The following PRKG1 variants were observed in gnomAD, a reference collection of about 807,000 sequenced individuals.
PRKG1 encodes protein kinase cGMP-dependent 1.
Under a neutral mutation model 88.1 loss-of-function variants are expected in PRKG1, and 35 were observed. That is an observed-to-expected ratio of 0.40 (90% CI 0.30 to 0.53). PRKG1 has a LOEUF of 0.53. Among genes scored for constraint, PRKG1 ranks in the 20% least tolerant of loss-of-function variants. The pLI, the probability that PRKG1 is intolerant of heterozygous loss-of-function variation, is 0.59. For missense variants in PRKG1, 540 were observed against 839.8 expected (o/e 0.64, Z 4.41); for synonymous variants, 303 against 292.5 (o/e 1.04, Z -0.37).
At chr10:51,975,703 G>A (rs1345896236) in intron 5 of PRKG1, among the ~76,000 whole-genome samples, 1 of 152,048 alleles carries the variant, frequency 6.6e-6, no homozygotes, top group Non-Finnish European at 1.5e-5. Flanking sequence ...AAAACTCTTA[G>A]AAGGAAACAT....
chr10:51,627,004 T>C (rs1256411365), intron 3 of PRKG1, among the ~76,000 whole-genome samples: 1 of 152,110 alleles, frequency 6.6e-6, no homozygotes, highest in Non-Finnish European at 1.5e-5. Context: ...ATGAGAGACA[T>C]AATCTCTACC....
intron 3 of PRKG1, chr10:51,697,639 C>T: frequency 1.9e-6 from 3 of 1,541,302 alleles, no homozygotes; most frequent in Middle Eastern, 2.3e-4. Context: ...GCTTTTTGCA[C>T]CCATTCTCCA....
At chr10:51,248,213 C>G (rs1397668885) in intron 2 of PRKG1, among the ~76,000 whole-genome samples, 1 of 151,788 alleles carries the variant, frequency 6.6e-6, no homozygotes, top group Non-Finnish European at 1.5e-5. Context: ...AGGGCACACT[C>G]AATACATATT....
At chr10:51,194,211 G>A (rs1373501407) in intron 2 of PRKG1, among the ~76,000 whole-genome samples, 1 of 150,106 alleles carries the variant, frequency 6.7e-6, no homozygotes, top group Non-Finnish European at 1.5e-5. Flanking sequence ...TTAGTATTTA[G>A]TATCAAGGTT....
chr10:51,839,393 A>T (rs1242613971), intron 4 of PRKG1, among the ~76,000 whole-genome samples: 1 of 152,104 alleles, frequency 6.6e-6, no homozygotes, highest in Non-Finnish European at 1.5e-5. Context: ...CCCCACCTCT[A>T]CCATGTTGAG....
intron 2 of PRKG1, among the ~76,000 whole-genome samples, chr10:51,417,976 C>A (rs1838290790): frequency 6.6e-6 from 1 of 152,156 alleles, no homozygotes; most frequent in Non-Finnish European, 1.5e-5. Flanking sequence ...TTTACGTTAA[C>A]CTCCCCGCTC....
chr10:51,498,468 T>C (rs1564523575), intron 3 of PRKG1, among the ~76,000 whole-genome samples: 1 of 152,224 alleles, frequency 6.6e-6, no homozygotes, highest in African/African-American at 2.4e-5. Flanking sequence ...CTGAAATTTT[T>C]AACATTGAAT....
At chr10:52,250,986 G>A (rs1841156037) in intron 9 of PRKG1, among the ~76,000 whole-genome samples, 1 of 152,096 alleles carries the variant, frequency 6.6e-6, no homozygotes, top group Non-Finnish European at 1.5e-5. Context: ...TTAGGAATGT[G>A]ACTATGCTTC....
At chr10:51,203,115 A>C (rs1417817307) in intron 2 of PRKG1, among the ~76,000 whole-genome samples, 1 of 152,050 alleles carries the variant, frequency 6.6e-6, no homozygotes, top group East Asian at 1.9e-4. Flanking sequence ...GAGAGAGAAC[A>C]GTGTCTCAAG....
intron 3 of PRKG1, chr10:51,698,248 C>G (rs1410669921): frequency 6.2e-7 from 1 of 1,614,196 alleles, no homozygotes; most frequent in South Asian, 1.1e-5. Context: ...TTCCTCTCCT[C>G]TCCATTACAC....
At chr10:51,774,962 A>G (rs1038002235) in intron 3 of PRKG1, among the ~76,000 whole-genome samples, 2 of 152,156 alleles carry the variant, frequency 1.3e-5, no homozygotes, top group Non-Finnish European at 2.9e-5. Flanking sequence ...AATTTATTTA[A>G]CATTCTATTT....
At chr10:52,283,166 A>T (rs1007245464) in intron 14 of PRKG1, among the ~76,000 whole-genome samples, 8 of 152,204 alleles carry the variant, frequency 5.3e-5, no homozygotes, top group African/African-American at 9.6e-5. Context: ...TTTTCTGACA[A>T]AGGTTGAGTG....
intron 2 of PRKG1, among the ~76,000 whole-genome samples, chr10:51,270,665 A>G (rs1839955505): frequency 6.6e-6 from 1 of 151,990 alleles, no homozygotes; most frequent in African/African-American, 2.4e-5. Context: ...TCAGAAAAAA[A>G]TCAGTTTTTT....
intron 5 of PRKG1, among the ~76,000 whole-genome samples, chr10:52,000,571 T>C (rs1384103118): frequency 6.6e-6 from 1 of 152,046 alleles, no homozygotes; most frequent in Non-Finnish European, 1.5e-5. Context: ...TTTTGGGTAA[T>C]ACAGAATTGG....
chr10:52,265,301 A>G (rs1841543144), intron 10 of PRKG1, among the ~76,000 whole-genome samples: 1 of 152,108 alleles, frequency 6.6e-6, no homozygotes, highest in Non-Finnish European at 1.5e-5. Context: ...CCTGCTGTGC[A>G]TGGAAATGTA....
intron 9 of PRKG1, among the ~76,000 whole-genome samples, chr10:52,223,625 G>A (rs934800141): frequency 1.3e-5 from 2 of 152,054 alleles, no homozygotes; most frequent in Non-Finnish European, 2.9e-5. Context: ...CCAGATTTAC[G>A]TTTCCAGCCT....
chr10:51,802,731 A>C (rs896392718), intron 3 of PRKG1, among the ~76,000 whole-genome samples: 1 of 152,150 alleles, frequency 6.6e-6, no homozygotes, highest in South Asian at 2.1e-4. Context: ...CAATATTAAC[A>C]CATGCTAAGC....
At chr10:51,754,139 C>T (rs1018912638) in intron 3 of PRKG1, among the ~76,000 whole-genome samples, 1 of 151,998 alleles carries the variant, frequency 6.6e-6, no homozygotes, top group Non-Finnish European at 1.5e-5. Context: ...TAGTCCCTGG[C>T]TCTTCTCTTA....
At chr10:51,041,288 C>T (rs1843417745) in intron 1 of PRKG1, among the ~76,000 whole-genome samples, 1 of 152,070 alleles carries the variant, frequency 6.6e-6, no homozygotes, top group Non-Finnish European at 1.5e-5. Context: ...AATCGGGGAC[C>T]CCAGGAGCCT....
Sources: allele counts gnomAD v4.1 joint callset (sites outside exome capture counted in the v4.1 genomes callset), GRCh38; gene constraint gnomAD v4.1.1; transcripts MANE v1.5; gene names NCBI Gene and HGNC (gene_info 2026-07-23, HGNC 2026-07-21).